Variants in EXOC4 observed in about 807,000 individuals in gnomAD.
The protein encoded by EXOC4 is SEC8-like 1.
A neutral mutation model predicts 107.2 loss-of-function variants in EXOC4; 71 were observed. The ratio of observed to expected loss-of-function variants is 0.66; its 90% CI spans 0.55 to 0.81. The LOEUF (loss-of-function observed/expected upper bound fraction) is 0.81, where lower values mean the gene tolerates loss of function less well. Ranked by LOEUF, EXOC4 falls within the 30% of genes least tolerant of loss-of-function variation. The probability of loss-of-function intolerance (pLI) is 0.00; values close to 1 mark genes in which losing one functional copy is unlikely to be tolerated. For synonymous variants in EXOC4, 456 were observed against 441.2 expected, an observed-to-expected ratio of 1.03 and a Z score of -0.42; for missense variants, 1,108 against 1,189.6, an observed-to-expected ratio of 0.93 and a Z score of 1.01.
At chr7:133,740,688 T>G (rs111709406) in intron 10 of EXOC4, among the ~76,000 whole-genome samples, 126 of 152,308 alleles carry the variant, frequency 8.3e-4, no homozygotes, top group African/African-American at 2.9e-3. Context: ...AATGAGATAT[T>G]TTCTGAGAAA....
In EXOC4 at chr7:133,876,221, G is replaced by GGTGTGTGT. The variant is rs10605200; in HGVS notation, c.1735-19349_1735-19342dup. On this transcript the variant is annotated intron_variant, in intron 11 of 17. Coordinates refer to ENST00000253861, the MANE Select transcript of EXOC4 (RefSeq NM_021807.4). Reference sequence around the variant, plus strand: ...CTTAGGCTAAGGAAAAGAATGAAGAGGTGTGTGTGTGTGTGTGTGTGTGTG... The same window carrying GGTGTGTGT: ...CTTAGGCTAAGGAAAAGAATGAAGAGGTGTGTGTGTGTGTGTGTGTGTGTGTGTGTGTG... 2.9e-3 allele frequency among the ~76,000 whole-genome samples: 430 copies of GGTGTGTGT among 147,282 alleles called. 4 individuals carry two copies. The highest frequency in any genetic ancestry group is 9.7e-3 in the African/African-American group (390 of 40,114).
At chr7:134,092,453 T>G in the EXOC4 span, among the ~76,000 whole-genome samples, 1 of 152,056 alleles carries the variant, frequency 6.6e-6, no homozygotes, top group African/African-American at 2.4e-5. Flanking sequence ...ATATGAATAT[T>G]TTCAAAGAAA....
At chr7:133,820,073 T>A (rs1013379680) in intron 11 of EXOC4, among the ~76,000 whole-genome samples, 4 of 151,908 alleles carry the variant, frequency 2.6e-5, no homozygotes, top group Admixed American at 2.6e-4. Context: ...TAATTATATA[T>A]AAGTGAATAA....
chr7:133,798,071 A>G (rs1352556510), intron 10 of EXOC4, among the ~76,000 whole-genome samples: 1 of 152,164 alleles, frequency 6.6e-6, no homozygotes, highest in Non-Finnish European at 1.5e-5. Context: ...AGAGCAGCCC[A>G]GGCAGAGGGA....
chr7:133,444,103 T>G (rs1438845717), intron 7 of EXOC4, among the ~76,000 whole-genome samples: 1 of 152,138 alleles, frequency 6.6e-6, no homozygotes, highest in Non-Finnish European at 1.5e-5. Context: ...GCTCACTTTC[T>G]GATTGTGCAT....
chr7:133,859,424 C>T (rs2116330212), intron 11 of EXOC4, among the ~76,000 whole-genome samples: 1 of 152,310 alleles, frequency 6.6e-6, no homozygotes, highest in African/African-American at 2.4e-5. Context: ...CTTGAAAGTA[C>T]TGCTGTTTGT....
intron 9 of EXOC4, chr7:133,484,324 A>C (rs1240695984): frequency 3.4e-6 from 2 of 588,738 alleles, no homozygotes; most frequent in Non-Finnish European, 5.3e-6. Context: ...AAAATGTGTG[A>C]GATACCAGGT....
intron 15 of EXOC4, among the ~76,000 whole-genome samples, 194 bp from the exon 16 acceptor site, chr7:134,004,718 C>T (rs115593685): frequency 0.012 from 1,872 of 152,226 alleles, 48 homozygotes; most frequent in African/African-American, 0.043. Context: ...ATGTACAAGG[C>T]CACAGCTGCT....
At chr7:133,531,383 T>A (rs1280243683) in intron 9 of EXOC4, among the ~76,000 whole-genome samples, 1 of 152,198 alleles carries the variant, frequency 6.6e-6, no homozygotes, top group African/African-American at 2.4e-5. Context: ...ATAAACCGTT[T>A]CATGTTTAGC....
chr7:133,838,538 A>G (rs1797964308), intron 11 of EXOC4, among the ~76,000 whole-genome samples: 2 of 152,240 alleles, frequency 1.3e-5, no homozygotes, highest in East Asian at 3.9e-4. Flanking sequence ...ATTTCTCTTT[A>G]TACCAGTGCT....
intron 7 of EXOC4, among the ~76,000 whole-genome samples, chr7:133,409,109 T>C (rs1453588380): frequency 6.6e-6 from 1 of 152,214 alleles, no homozygotes; most frequent in African/African-American, 2.4e-5. Flanking sequence ...ACTTATAGGC[T>C]GTACCTCTGT....
chr7:133,377,470 C>T (rs377559066), intron 7 of EXOC4, among the ~76,000 whole-genome samples: 2 of 151,944 alleles, frequency 1.3e-5, no homozygotes, highest in South Asian at 2.1e-4. Flanking sequence ...TGTAAACCAT[C>T]CAAATCAAAG....
At chr7:133,688,710 C>T (rs1794359070) in intron 10 of EXOC4, among the ~76,000 whole-genome samples, 1 of 152,130 alleles carries the variant, frequency 6.6e-6, no homozygotes, top group South Asian at 2.1e-4. Flanking sequence ...ATTCAGAAGG[C>T]ATAGCCCTGT....
intron 9 of EXOC4, among the ~76,000 whole-genome samples, chr7:133,538,666 T>TA (rs1057461816): frequency 1.1e-4 from 16 of 151,450 alleles, no homozygotes; most frequent in African/African-American, 3.6e-4. Context: ...AAAATAAAAA[T>TA]AAAAAAATAA....
At chr7:133,798,820 A>G (rs1013042740) in intron 10 of EXOC4, among the ~76,000 whole-genome samples, 4 of 152,188 alleles carry the variant, frequency 2.6e-5, no homozygotes, top group East Asian at 1.9e-4. Flanking sequence ...TAAAAGCACA[A>G]TCCCTCTACT....
intron 5 of EXOC4, among the ~76,000 whole-genome samples, chr7:133,353,044 G>T (rs983137436): frequency 1.3e-4 from 19 of 151,996 alleles, no homozygotes; most frequent in African/African-American, 4.6e-4. Flanking sequence ...CTTAAATGAT[G>T]TAAAAAACAA....
chr7:134,086,774 A>G, the EXOC4 span, among the ~76,000 whole-genome samples: 2 of 152,232 alleles, frequency 1.3e-5, no homozygotes, highest in African/African-American at 2.4e-5. Context: ...AAGAATGGCT[A>G]CTCCATAGAC....
At chr7:133,877,373 T>G (rs1798872153) in intron 11 of EXOC4, among the ~76,000 whole-genome samples, 1 of 152,240 alleles carries the variant, frequency 6.6e-6, no homozygotes, top group South Asian at 2.1e-4. Context: ...CATTGTTAAG[T>G]GCTGGATGTT....
intron 10 of EXOC4, among the ~76,000 whole-genome samples, chr7:133,809,290 C>A (rs894276757): frequency 6.6e-6 from 1 of 152,152 alleles, no homozygotes; most frequent in Non-Finnish European, 1.5e-5. Context: ...TGCTTTTATA[C>A]ACAATCTGTG....
Sources: allele counts gnomAD v4.1 joint callset (sites outside exome capture counted in the v4.1 genomes callset), GRCh38; gene constraint gnomAD v4.1.1; transcripts MANE v1.5; gene names NCBI Gene and HGNC (gene_info 2026-07-23, HGNC 2026-07-21).